MARCHF3: variants seen among roughly 807,000 people sequenced by gnomAD.
MARCHF3 encodes the protein E3 ubiquitin-protein ligase MARCHF3.
MARCHF3 carries 13 observed loss-of-function variants against 24.2 expected under a neutral mutation model. The observed-to-expected ratio is 0.54, with a 90% CI of 0.35 to 0.85. The LOEUF is 0.85. Ranked by LOEUF, MARCHF3 falls within the 40% of genes least tolerant of loss-of-function variation. MARCHF3 has a pLI of 0.01. For missense variants in MARCHF3, 276 were observed against 325.0 expected (o/e 0.85, Z 1.16); for synonymous variants, 144 against 137.3 (o/e 1.05, Z -0.34).
chr5:126,881,990 T>C (rs576369154), intron 3 of MARCHF3, among the ~76,000 whole-genome samples: 47 of 152,304 alleles, frequency 3.1e-4, no homozygotes, highest in Non-Finnish European at 4.7e-4. Context: ...GGCTCAGTGC[T>C]ACAGCTTGGA....
intron 4 of MARCHF3, among the ~76,000 whole-genome samples, chr5:126,877,162 G>A (rs943215137): frequency 1.3e-5 from 2 of 152,174 alleles, no homozygotes; most frequent in Admixed American, 1.3e-4. Flanking sequence ...TGAAGAAGAG[G>A]GAAATGAACA....
At chr5:126,910,388 G>A (rs1459081943) in intron 3 of MARCHF3, among the ~76,000 whole-genome samples, 2 of 152,174 alleles carry the variant, frequency 1.3e-5, no homozygotes, top group Non-Finnish European at 2.9e-5. Flanking sequence ...AATGGCAAAA[G>A]GCTGGAGTCA....
chr5:126,947,630 CA>C (rs1750075706), intron 1 of MARCHF3, among the ~76,000 whole-genome samples: 1 of 152,148 alleles, frequency 6.6e-6, no homozygotes, highest in Admixed American at 6.6e-5. Flanking sequence ...TACGTGTGCA[CA>C]GGGGCATGGG....
At chr5:126,991,198 C>T (rs111937835) in intron 1 of MARCHF3, among the ~76,000 whole-genome samples, 7,845 of 152,226 alleles carry the variant, frequency 0.052, 376 homozygotes, top group South Asian at 0.14. Flanking sequence ...CACATATACA[C>T]CATGGAATAC....
At chr5:127,006,236 T>A (rs909756855) in intron 1 of MARCHF3, among the ~76,000 whole-genome samples, 4 of 151,496 alleles carry the variant, frequency 2.6e-5, no homozygotes, top group Admixed American at 2.6e-4. Flanking sequence ...TTTAAATACA[T>A]CTAATAGTAC....
intron 1 of MARCHF3, among the ~76,000 whole-genome samples, chr5:126,981,087 A>G (rs866491646): frequency 1.2e-4 from 19 of 152,222 alleles, no homozygotes; most frequent in Non-Finnish European, 8.8e-5. Context: ...GTTAGTGTGC[A>G]GCACTCTGTT....
At chr5:126,933,296 G>A (rs576073942) in intron 1 of MARCHF3, among the ~76,000 whole-genome samples, 1 of 152,288 alleles carries the variant, frequency 6.6e-6, no homozygotes, top group East Asian at 1.9e-4. Context: ...CATGATGATA[G>A]TGCATATATA....
intron 1 of MARCHF3, among the ~76,000 whole-genome samples, chr5:126,931,098 T>C (rs1265264872): frequency 1.3e-5 from 2 of 152,148 alleles, no homozygotes; most frequent in African/African-American, 2.4e-5. Flanking sequence ...ACAAATAATG[T>C]AGGGGTGGAC....
intron 1 of MARCHF3, among the ~76,000 whole-genome samples, chr5:126,948,358 T>C (rs1345230685): frequency 5.9e-5 from 9 of 152,208 alleles, no homozygotes; most frequent in African/African-American, 2.2e-4. Flanking sequence ...GTTGAAAAAC[T>C]CTGCAAATAC....
At chr5:126,995,635 A>G (rs750721435) in intron 1 of MARCHF3, among the ~76,000 whole-genome samples, 6 of 152,222 alleles carry the variant, frequency 3.9e-5, no homozygotes, top group Non-Finnish European at 7.3e-5. Context: ...TGGGTATTCA[A>G]AGATTTTTGT....
chr5:126,927,137 A>G (rs868763444), intron 1 of MARCHF3, among the ~76,000 whole-genome samples: 7 of 152,164 alleles, frequency 4.6e-5, no homozygotes, highest in Non-Finnish European at 7.3e-5. Flanking sequence ...ATACTCACAT[A>G]TACACACAAA....
rs189299083 is a variant in MARCHF3, at chr5:126,898,606, C to T, written c.393+16324G>A. 2.5e-3 allele frequency among the ~76,000 whole-genome samples: 373 copies of T among 152,078 alleles called. 4 individuals carry two copies. The highest frequency in any genetic ancestry group is 8.5e-3 in the African/African-American group (353 of 41,444). ...AAGCGGTGAATTGTAAGGAAGGGGC[C>T]GCCTTATTTTCTAGGATGGTGCATA... On this transcript the variant is annotated intron_variant, in intron 3 of 4. Transcript: ENST00000308660.
intron 3 of MARCHF3, among the ~76,000 whole-genome samples, chr5:126,880,424 A>G (rs573094417): frequency 6.6e-6 from 1 of 152,344 alleles, no homozygotes; most frequent in South Asian, 2.1e-4. Context: ...ATAAGTGCAA[A>G]TGATATTAAT....
chr5:126,987,779 G>T (rs1751615621), intron 1 of MARCHF3, among the ~76,000 whole-genome samples: 1 of 152,168 alleles, frequency 6.6e-6, no homozygotes, highest in African/African-American at 2.4e-5. Context: ...GAAGAGAGAA[G>T]TGAACTGAAG....
At chr5:126,967,695 A>AACAC (rs754489259) in intron 1 of MARCHF3, among the ~76,000 whole-genome samples, 57 of 152,278 alleles carry the variant, frequency 3.7e-4, no homozygotes, top group Non-Finnish European at 7.3e-4. Context: ...CTCTGTCTCA[A>AACAC]ACATTTTGTC....
At chr5:126,872,823 G>C (rs557314084) in intron 4 of MARCHF3, among the ~76,000 whole-genome samples, 6 of 152,184 alleles carry the variant, frequency 3.9e-5, no homozygotes, top group African/African-American at 1.4e-4. Context: ...TTCTCCAAAA[G>C]TCCCTGAACA....
At chr5:127,020,722 G>A (rs1468191959) in intron 1 of MARCHF3, among the ~76,000 whole-genome samples, 2 of 152,112 alleles carry the variant, frequency 1.3e-5, no homozygotes, top group African/African-American at 4.8e-5. Context: ...ATGGTAGCGC[G>A]CATTTGTGAT....
chr5:126,913,899 T>C (rs1056771643), intron 3 of MARCHF3, among the ~76,000 whole-genome samples: 26 of 151,886 alleles, frequency 1.7e-4, no homozygotes, highest in Non-Finnish European at 2.8e-4. Flanking sequence ...GTCTGAATCA[T>C]AGATACAATG....
At chr5:127,005,133 CTTTT>C (rs937505290) in intron 1 of MARCHF3, among the ~76,000 whole-genome samples, 1 of 122,544 alleles carries the variant, frequency 8.2e-6, no homozygotes. Flanking sequence ...CTCAGAAAGT[CTTTT>C]TTTTTTTTTT....
Sources: gnomAD v4.1 joint callset for allele counts (sites outside exome capture counted in the v4.1 genomes callset) on GRCh38, gnomAD v4.1.1 for gene constraint, MANE v1.5 for transcripts, NCBI Gene and HGNC (gene_info 2026-07-23, HGNC 2026-07-21) for gene names.